The following SPDYE10 variants were observed in gnomAD, a reference collection of about 807,000 sequenced individuals.
The protein encoded by SPDYE10 is speedy protein E10.
the SPDYE10 span, among the ~76,000 whole-genome samples, chr7:73,117,057 A>C: frequency 6.7e-6 from 1 of 148,590 alleles, no homozygotes. Context: ...ACCATTCTCG[A>C]CTAATTTTTG....
chr7:73,115,251 T>C, the SPDYE10 span, among the ~76,000 whole-genome samples: 1 of 152,148 alleles, frequency 6.6e-6, no homozygotes, highest in African/African-American at 2.4e-5. Flanking sequence ...TCTTCCACTC[T>C]CTCTACATCC....
the SPDYE10 span, among the ~76,000 whole-genome samples, chr7:73,145,022 A>C: frequency 9.7e-6 from 1 of 103,138 alleles, no homozygotes; most frequent in South Asian, 3.6e-4. Context: ...AAAAAAAAAA[A>C]AGAAGAATTA....
At chr7:73,132,416 A>G in the SPDYE10 span, among the ~76,000 whole-genome samples, 22 of 152,236 alleles carry the variant, frequency 1.4e-4, no homozygotes, top group Admixed American at 1.0e-3. Flanking sequence ...GCATGGTGGT[A>G]TGTGCCTGTA....
the SPDYE10 span, among the ~76,000 whole-genome samples, chr7:73,123,788 C>CCCTCTCTCTCTCTCTCTCT: frequency 1.0e-5 from 1 of 97,458 alleles, no homozygotes; most frequent in African/African-American, 5.1e-5. Context: ...TCTCTCTCTC[C>CCCTCTCTCTCTCTCTCTCT]CTCTCTCTCT....
chr7:73,137,938 G>A, the SPDYE10 span, among the ~76,000 whole-genome samples: 23 of 144,046 alleles, frequency 1.6e-4, no homozygotes, highest in African/African-American at 4.5e-4. Context: ...GGAAGGGAAG[G>A]GGAAGGGAAG....
At chr7:73,132,637 T>G in the SPDYE10 span, among the ~76,000 whole-genome samples, 1 of 149,770 alleles carries the variant, frequency 6.7e-6, no homozygotes, top group African/African-American at 2.5e-5. Flanking sequence ...GCCTTCTATC[T>G]CCTTAGGCCT....
the SPDYE10 span, among the ~76,000 whole-genome samples, chr7:73,123,765 TTCTC>T: frequency 6.1e-5 from 5 of 82,370 alleles, no homozygotes; most frequent in Non-Finnish European, 1.4e-4. Flanking sequence ...GCCATTTCCT[TTCTC>T]TCTCTCTCTC....
chr7:73,140,815 T>C, the SPDYE10 span, among the ~76,000 whole-genome samples: 1 of 143,412 alleles, frequency 7.0e-6, no homozygotes, highest in Non-Finnish European at 1.6e-5. Flanking sequence ...GAGATGGGGT[T>C]TCACCATATT....
chr7:73,110,923 A>AAGC, the SPDYE10 span: 1 of 1,427,938 alleles, frequency 7.0e-7, no homozygotes, highest in Non-Finnish European at 9.2e-7. Flanking sequence ...TCCTCCTACC[A>AAGC]AGCAGCCTGT....
chr7:73,113,712 G>A, the SPDYE10 span, among the ~76,000 whole-genome samples: 5 of 152,070 alleles, frequency 3.3e-5, no homozygotes, highest in African/African-American at 7.3e-5. Flanking sequence ...TGGCCAACAT[G>A]GTGAAACCGC....
the SPDYE10 span, among the ~76,000 whole-genome samples, chr7:73,131,774 A>AT: frequency 1.3e-5 from 2 of 151,696 alleles, no homozygotes; most frequent in Non-Finnish European, 2.9e-5. Context: ...ACCTCAAGTG[A>AT]TCCCCCCACC....
the SPDYE10 span, among the ~76,000 whole-genome samples, chr7:73,135,486 T>G: frequency 1.4e-5 from 2 of 139,112 alleles, no homozygotes; most frequent in East Asian, 4.2e-4. Context: ...AGGAAGAGCA[T>G]TGAGGCTTTC....
chr7:73,123,788 C>CTCTCTCTCTCTCTCTCTCTCTCTCT, the SPDYE10 span, among the ~76,000 whole-genome samples: 2 of 97,458 alleles, frequency 2.1e-5, no homozygotes, highest in African/African-American at 5.1e-5. Context: ...TCTCTCTCTC[C>CTCTCTCTCTCTCTCTCTCTCTCTCT]CTCTCTCTCT....
At chr7:73,120,827 A>G in the SPDYE10 span, among the ~76,000 whole-genome samples, 4 of 151,854 alleles carry the variant, frequency 2.6e-5, no homozygotes. Context: ...AACACCAGGA[A>G]TGATCATTGT....
At chr7:73,137,609 A>AGAAAGAAAGAAG in the SPDYE10 span, among the ~76,000 whole-genome samples, 1 of 133,380 alleles carries the variant, frequency 7.5e-6, no homozygotes, top group African/African-American at 3.3e-5. Context: ...AAAGAAAGAA[A>AGAAAGAAAGAAG]GAAAGAAAGA....
At chr7:73,151,986 CT>C in the SPDYE10 span, among the ~76,000 whole-genome samples, 3 of 134,084 alleles carry the variant, frequency 2.2e-5, no homozygotes, top group African/African-American at 9.0e-5. Context: ...GTTTCACCTG[CT>C]TTTTTTTATT....
At chr7:73,134,834 C>T in the SPDYE10 span, among the ~76,000 whole-genome samples, 1 of 152,280 alleles carries the variant, frequency 6.6e-6, no homozygotes, top group Admixed American at 6.5e-5. Context: ...TGCACTGCAG[C>T]CTGGGCAACA....
chr7:73,145,021 A>AG, the SPDYE10 span, among the ~76,000 whole-genome samples: 3,145 of 110,018 alleles, frequency 0.029, 10 homozygotes, highest in Middle Eastern at 0.059. Flanking sequence ...AAAAAAAAAA[A>AG]AAGAAGAATT....
chr7:73,113,764 C>T, the SPDYE10 span, among the ~76,000 whole-genome samples: 1 of 151,822 alleles, frequency 6.6e-6, no homozygotes. Context: ...GGCCAGGTGC[C>T]ATGGCTCATG....
Sources: gnomAD v4.1 joint callset for allele counts (sites outside exome capture counted in the v4.1 genomes callset) on GRCh38, gnomAD v4.1.1 for gene constraint, MANE v1.5 for transcripts, NCBI Gene and HGNC (gene_info 2026-07-23, HGNC 2026-07-21) for gene names.